PLEKHA2: variants seen among roughly 807,000 people sequenced by gnomAD.
PLEKHA2 encodes pleckstrin homology domain containing A2.
PLEKHA2 carries 28 observed loss-of-function variants against 53.2 expected under a neutral mutation model. The ratio of observed to expected loss-of-function variants is 0.53; its 90% confidence interval spans 0.39 to 0.72. The LOEUF (loss-of-function observed/expected upper bound fraction) is 0.72, where lower values mean the gene tolerates loss of function less well. Among genes scored for constraint, PLEKHA2 ranks in the 30% least tolerant of loss-of-function variants. PLEKHA2 has a pLI of 0.00. For synonymous variants in PLEKHA2, 193 were observed against 196.4 expected (o/e 0.98, Z 0.14); for missense variants, 426 against 537.9 (o/e 0.79, Z 2.06).
At chr8:38,917,628 C>G (rs541894325) in intron 1 of PLEKHA2, among the ~76,000 whole-genome samples, 1 of 152,314 alleles carries the variant, frequency 6.6e-6, no homozygotes, top group East Asian at 1.9e-4. Flanking sequence ...ATGCAGGCCC[C>G]TGATCTAAAG....
chr8:38,913,741 C>A (rs573662399), intron 1 of PLEKHA2, among the ~76,000 whole-genome samples: 1 of 152,256 alleles, frequency 6.6e-6, no homozygotes, highest in African/African-American at 2.4e-5. Context: ...CCAGGATATG[C>A]TCCCCCGCCC....
intron 3 of PLEKHA2, among the ~76,000 whole-genome samples, 174 bp downstream of exon 3, chr8:38,936,224 T>C (rs1289426401): frequency 6.6e-6 from 1 of 152,192 alleles, no homozygotes; most frequent in Non-Finnish European, 1.5e-5. Flanking sequence ...TGGGTGGCTG[T>C]AGAGGTATGT....
chr8:38,914,255 G>T (rs1418326257), intron 1 of PLEKHA2, among the ~76,000 whole-genome samples: 1 of 152,232 alleles, frequency 6.6e-6, no homozygotes, highest in Non-Finnish European at 1.5e-5. Flanking sequence ...TGGATCAAGG[G>T]ATTCACCAGT....
rs142539592 is a variant in PLEKHA2 at position 38,929,954 on chromosome 8, C to T, written c.142-6040C>T. On this transcript the variant is annotated intron_variant, in intron 2 of 11. Transcript: ENST00000617275. ...AAGAGGCGGAAGGGAGTAGAAGTCA[C>T]ATGGGTAAAAATTTCTTCTTCAACA... is the stretch of plus-strand genomic sequence containing the variant. Among the ~76,000 whole-genome samples the T allele has an allele frequency of 2.7e-3, 408 of 152,320 alleles. 3 individuals are homozygous for T. The highest frequency in any genetic ancestry group is 5.2e-3 in the Non-Finnish European group (353 of 68,038).
intron 5 of PLEKHA2, among the ~76,000 whole-genome samples, chr8:38,948,205 C>G (rs752970727): frequency 4.0e-5 from 6 of 151,790 alleles, no homozygotes; most frequent in Non-Finnish European, 8.8e-5. Context: ...TAAATATCAA[C>G]TAAAAATCAA....
At chr8:38,943,133 T>C (rs1834643086) in intron 3 of PLEKHA2, among the ~76,000 whole-genome samples, 1 of 152,068 alleles carries the variant, frequency 6.6e-6, no homozygotes, top group Admixed American at 6.6e-5. Flanking sequence ...GAGGGGAATC[T>C]TGCTAGTGTG....
At chr8:38,949,123 G>A (rs1193420834) in intron 5 of PLEKHA2, among the ~76,000 whole-genome samples, 4 of 152,084 alleles carry the variant, frequency 2.6e-5, no homozygotes, top group Non-Finnish European at 4.4e-5. Context: ...CGCCCGCCTC[G>A]GCCTCCCAAA....
intron 2 of PLEKHA2, among the ~76,000 whole-genome samples, chr8:38,926,287 T>TA (rs200140390): frequency 8.1e-4 from 120 of 148,594 alleles, no homozygotes; most frequent in Admixed American, 2.7e-3. Flanking sequence ...AATCCTTTGG[T>TA]AAAAAAAAAA....
rs1406192735 is a variant in PLEKHA2, at chr8:38,901,366, C to G, written c.-103C>G. The G allele has an allele frequency of 6.6e-6, 1 of 152,178 alleles. No individual in the cohort carries two copies. The highest frequency in any genetic ancestry group is 6.6e-5 in the Admixed American group (1 of 15,210). 9.4% of individuals were successfully genotyped at this position (152,178 alleles called of 1,614,324 possible). ...CAGGCAGACCCAGAAATCCCTGGAG[C>G]GCGGCGGACCCGGCGGCCGGAGGGG... On this transcript the variant is annotated 5_prime_UTR_variant, in exon 1 of 12. Coordinates refer to ENST00000617275, the MANE Select transcript of PLEKHA2 (RefSeq NM_021623.2).
At chr8:38,963,027 C>T (rs1042134705) in intron 10 of PLEKHA2, among the ~76,000 whole-genome samples, 13 of 152,248 alleles carry the variant, frequency 8.5e-5, no homozygotes, top group African/African-American at 2.2e-4. Flanking sequence ...TTTTGGATAG[C>T]GGCAATGGCA....
intron 10 of PLEKHA2, among the ~76,000 whole-genome samples, chr8:38,965,266 GT>G (rs1835114979): frequency 6.6e-6 from 1 of 152,186 alleles, no homozygotes; most frequent in African/African-American, 2.4e-5. Context: ...CTGTGTGACA[GT>G]TCCTGGAGAA....
At chr8:38,946,036 C>G (rs1450550420) in intron 4 of PLEKHA2, 88 bp from the exon 5 acceptor site, 6 of 1,092,114 alleles carry the variant, frequency 5.5e-6, no homozygotes, top group East Asian at 2.6e-5. Flanking sequence ...ATCTCACTCC[C>G]TCAAACACCT....
rs184824074 is a variant in PLEKHA2 at position 38,930,160 on chromosome 8, G to A, written c.142-5834G>A. The stretch of plus-strand genomic sequence containing the variant: ...GCTCTTGAGCAAAAAGGAAGGTACT[G>A]GCATTGTCTGCATAAAACCACCTAT... On this transcript the variant is annotated intron_variant, in intron 2 of 11. Transcript: ENST00000617275. Among the ~76,000 whole-genome samples, 72 of 152,122 alleles carry A rather than the reference G, an allele frequency of 4.7e-4. No individual in the cohort carries two copies. In the Middle Eastern group the frequency reaches 0.02, roughly 43 times the overall value.
chr8:38,960,839 A>ATTC (rs1245575507), intron 10 of PLEKHA2: 1 of 152,278 alleles, frequency 6.6e-6, no homozygotes, highest in Non-Finnish European at 1.5e-5. Context: ...ACAATGTACA[A>ATTC]TCTGAAGCCA....
rs150105721 is a variant in PLEKHA2 at position 38,948,380 on chromosome 8, A to T, written c.345+2159A>T. ...CCTCATCTATAAAGTGGAGAAAATC[A>T]TGCCTGGTTGATAAGATTAGTGATA... is the stretch of plus-strand genomic sequence containing the variant. On this transcript the variant is annotated intron_variant, in intron 5 of 11. Transcript: ENST00000617275. 3.3e-3 allele frequency among the ~76,000 whole-genome samples: 508 copies of T among 152,314 alleles called. 6 individuals are homozygous for T. Among genetic ancestry groups the T allele is most frequent in the African/African-American group, 0.012 (482 of 41,562 alleles).
chr8:38,942,129 C>T (rs529170062), intron 3 of PLEKHA2, among the ~76,000 whole-genome samples: 2 of 152,102 alleles, frequency 1.3e-5, no homozygotes, highest in Non-Finnish European at 2.9e-5. Flanking sequence ...CAGCCGGTTG[C>T]GGTGGCTCAT....
chr8:38,925,785 A>G (rs1022484766), intron 2 of PLEKHA2, among the ~76,000 whole-genome samples: 3 of 152,252 alleles, frequency 2.0e-5, no homozygotes, highest in Non-Finnish European at 2.9e-5. Context: ...ATAATGTATA[A>G]TGGACAATAC....
chr8:38,946,306 G>C (rs756580424), intron 5 of PLEKHA2, 85 bp downstream of exon 5: 3 of 1,199,150 alleles, frequency 2.5e-6, no homozygotes. Context: ...GGAAAACTGA[G>C]ATGGCAGCGG....
At chr8:38,909,930 C>T (rs1345185171) in intron 1 of PLEKHA2, among the ~76,000 whole-genome samples, 3 of 151,798 alleles carry the variant, frequency 2.0e-5, no homozygotes, top group Admixed American at 6.6e-5. Flanking sequence ...TAAAACTTCC[C>T]ACTTTTTGTT....
Sources: allele counts gnomAD v4.1 joint callset (sites outside exome capture counted in the v4.1 genomes callset), GRCh38; gene constraint gnomAD v4.1.1; transcripts MANE v1.5; gene names NCBI Gene and HGNC (gene_info 2026-07-23, HGNC 2026-07-21).